The following ZFHX4 variants were observed in gnomAD, a reference collection of about 807,000 sequenced individuals.
The protein encoded by ZFHX4 is zinc finger homeobox protein 4.
ZFHX4 carries 56 observed loss-of-function variants against 267.6 expected under a neutral mutation model. That is an observed-to-expected ratio of 0.21 (90% CI 0.17 to 0.26). ZFHX4 has a LOEUF of 0.26. Ranked by LOEUF, ZFHX4 falls within the 10% of genes least tolerant of loss-of-function variation. The pLI is 1.00. For synonymous variants in ZFHX4, 1,778 were observed against 1,665.6 expected (o/e 1.07, Z -1.64); for missense variants, 4,332 against 4,420.0 (o/e 0.98, Z 0.56).
At position 76,706,520 on chromosome 8, in the gene ZFHX4, T is replaced by G; in HGVS notation, c.2432T>G (p.Leu811Trp). 1.2e-6 allele frequency: 2 copies of G among 1,613,756 alleles called. No homozygotes were observed. Among genetic ancestry groups the G allele is most frequent in the Non-Finnish European group, 1.7e-6 (2 of 1,179,796 alleles). Residue 811 changes from leucine (L) to tryptophan (W), a missense_variant, in exon 2 of 11, where the codon TTG (leucine) becomes TGG (tryptophan). Leu to Trp is a moderately conservative substitution (Grantham distance 61). Transcript: ENST00000651372. ...AAGCAGATCCAGCATAATCTGCACT[T>G]GGGCCTCGCCCCGGCGGAAGCAGAG... ...NMKQIQHNLH[L>W]GLAPAEAELY...
In ZFHX4 at chr8:76,850,871, G is replaced by C; in HGVS notation, c.3965-15G>C. 6.4e-7 allele frequency: 1 copy of C among 1,560,088 alleles called. No individual in the cohort carries two copies. The stretch of plus-strand genomic sequence containing the variant: ...TTCTTATTGTAAGAGAGATGTTTGT[G>C]CTTTTTCCTAATAGGTGAAAGTCCA... On this transcript the variant is annotated splice_polypyrimidine_tract_variant and intron_variant, in intron 9 of 10. Transcript: ENST00000651372.
At chr8:76,829,689 A>G (rs1811882863) in intron 4 of ZFHX4, among the ~76,000 whole-genome samples, 1 of 152,086 alleles carries the variant, frequency 6.6e-6, no homozygotes, top group Admixed American at 6.5e-5. Context: ...CGTGGCTATA[A>G]TCCCAGCTAC....
At chr8:76,790,105 C>G (rs1208520150) in intron 4 of ZFHX4, among the ~76,000 whole-genome samples, 2 of 152,064 alleles carry the variant, frequency 1.3e-5, no homozygotes, top group Non-Finnish European at 1.5e-5. Context: ...TTCTGTACAT[C>G]TGAATGTGGT....
intron 5 of ZFHX4, chr8:76,833,682 C>G: frequency 2.9e-6 from 1 of 350,304 alleles, no homozygotes; most frequent in East Asian, 6.9e-5. Context: ...TATCACTGCC[C>G]TCCCCACCAG....
At chr8:76,713,265 A>G (rs1235200626) in intron 3 of ZFHX4, among the ~76,000 whole-genome samples, 2 of 146,350 alleles carry the variant, frequency 1.4e-5, no homozygotes, top group African/African-American at 5.3e-5. Flanking sequence ...CAATCAAAGG[A>G]TAGAGAGATA....
chr8:76,784,639 G>T (rs1225190401), intron 4 of ZFHX4, among the ~76,000 whole-genome samples: 1 of 151,936 alleles, frequency 6.6e-6, no homozygotes. Context: ...ACACTGCAGG[G>T]TTACCTTTAG....
chr8:76,843,345 G>C (rs904881914), intron 6 of ZFHX4, among the ~76,000 whole-genome samples: 1 of 152,106 alleles, frequency 6.6e-6, no homozygotes, highest in African/African-American at 2.4e-5. Context: ...CTAAGAAAGA[G>C]GAAATATCAT....
At chr8:76,807,005 C>T (rs1023578614) in intron 4 of ZFHX4, among the ~76,000 whole-genome samples, 1 of 152,088 alleles carries the variant, frequency 6.6e-6, no homozygotes, top group African/African-American at 2.4e-5. Context: ...CTGTGACAGG[C>T]ATCCTTTGCC....
At chr8:76,719,150 A>ATGTGTG (rs10589034) in intron 3 of ZFHX4, among the ~76,000 whole-genome samples, 132 of 134,478 alleles carry the variant, frequency 9.8e-4, no homozygotes, top group African/African-American at 3.0e-3. Context: ...GATGAATTGC[A>ATGTGTG]TGTGTGTGTG....
At chr8:76,802,282 A>G (rs1477983572) in intron 4 of ZFHX4, among the ~76,000 whole-genome samples, 1 of 152,190 alleles carries the variant, frequency 6.6e-6, no homozygotes, top group African/African-American at 2.4e-5. Context: ...AAGGAATTTT[A>G]TAACCAACAG....
chr8:76,749,217 C>G (rs2131702466), intron 3 of ZFHX4, among the ~76,000 whole-genome samples: 1 of 152,230 alleles, frequency 6.6e-6, no homozygotes, highest in African/African-American at 2.4e-5. Flanking sequence ...ATGCCATTTT[C>G]TGTTACTATT....
intron 4 of ZFHX4, among the ~76,000 whole-genome samples, chr8:76,784,566 C>T (rs1810638390): frequency 6.6e-6 from 1 of 151,882 alleles, no homozygotes; most frequent in East Asian, 1.9e-4. Context: ...AATAGATACC[C>T]ATGAATGACA....
chr8:76,857,151 A>G (rs1384669281), intron 10 of ZFHX4, among the ~76,000 whole-genome samples: 1 of 152,102 alleles, frequency 6.6e-6, no homozygotes, highest in African/African-American at 2.4e-5. Flanking sequence ...TAGGTATTCA[A>G]TTATATTATG....
chr8:76,710,464 A>G (rs888775866), intron 3 of ZFHX4, among the ~76,000 whole-genome samples: 1 of 152,176 alleles, frequency 6.6e-6, no homozygotes, highest in Non-Finnish European at 1.5e-5. Flanking sequence ...TTGCTTTTAA[A>G]TGAGAACGTA....
rs764242429 is a variant in ZFHX4, at chr8:76,706,127, G to T, written c.2039G>T (p.Gly680Val). 6.2e-7 allele frequency: 1 copy of T among 1,613,684 alleles called. No individual in the cohort carries two copies. The highest frequency in any genetic ancestry group is 1.7e-5 in the Admixed American group (1 of 59,946). The stretch of plus-strand genomic sequence containing the variant: ...GGCTCTTGTGTTTATTGTAAGACTG[G>T]ACAGCCTCACCCCAGGCTTGCCCGG... ...PGGSCVYCKT[G>V]QPHPRLARGE... The change falls in exon 2 of 11, where the codon GGA becomes GTA. Residue 680 changes from glycine to valine, a missense_variant. By Grantham distance (109) the Gly-to-Val change is moderately radical. This residue lies in a region of ZFHX4 where 1,195 missense variants were observed against 1,173.6 expected (regional missense o/e 1.02). Coordinates refer to ENST00000651372, the MANE Select transcript of ZFHX4 (RefSeq NM_024721.5).
At chr8:76,752,206 G>A (rs1809630591) in intron 3 of ZFHX4, among the ~76,000 whole-genome samples, 1 of 151,962 alleles carries the variant, frequency 6.6e-6, no homozygotes, top group Non-Finnish European at 1.5e-5. Context: ...TTTCAATGGT[G>A]TAATGTTCAA....
At chr8:76,771,855 C>T (rs945942411) in intron 3 of ZFHX4, among the ~76,000 whole-genome samples, 2 of 151,892 alleles carry the variant, frequency 1.3e-5, no homozygotes, top group Non-Finnish European at 1.5e-5. Context: ...TAGGACTTTG[C>T]GATAATTTAG....
intron 3 of ZFHX4, among the ~76,000 whole-genome samples, chr8:76,738,873 C>T (rs1809242533): frequency 1.3e-5 from 2 of 152,030 alleles, no homozygotes; most frequent in African/African-American, 4.8e-5. Context: ...CGCCACCAAG[C>T]CCAGCTAATT....
Position 76,851,701 on chromosome 8 carries a change from A to C in ZFHX4, c.4780A>C (p.Lys1594Gln). Residue 1594 changes from lysine to glutamine, a missense_variant, in exon 10 of 11, where the codon AAG (lysine) becomes CAG (glutamine). By Grantham distance (53) the Lys-to-Gln change is moderately conservative (BLOSUM62 1). Transcript: ENST00000651372. The stretch of plus-strand genomic sequence containing the variant: ...CAGCAACACAGATAACAAACCCTAC[A>C]AGTGCAGCATCTGCAATGTTGCATA... Reference protein sequence around the residue: ...TNSNTDNKPYKCSICNVAYSQ... With the variant: ...TNSNTDNKPYQCSICNVAYSQ... 6.2e-7 allele frequency: 1 copy of C among 1,613,954 alleles called. No homozygotes were observed. The highest frequency in any genetic ancestry group is 1.3e-5 in the African/African-American group (1 of 75,058).
Sources: gnomAD v4.1 joint callset for allele counts (sites outside exome capture counted in the v4.1 genomes callset) on GRCh38, gnomAD v4.1.1 for gene constraint, gnomAD v4.1.1 regional missense constraint, MANE v1.5 for transcripts, NCBI Gene and HGNC (gene_info 2026-07-23, HGNC 2026-07-21) for gene names.